The following ADCY2 variants were observed in gnomAD, a reference collection of about 807,000 sequenced individuals.
The protein encoded by ADCY2 is adenylate cyclase type 2.
A neutral mutation model predicts 125.2 loss-of-function variants in ADCY2; 31 were observed. The observed-to-expected ratio is 0.25, with a 90% confidence interval of 0.19 to 0.33. The LOEUF (loss-of-function observed/expected upper bound fraction) is 0.33. ADCY2 is among the 10% of genes least tolerant of loss of function. The probability of loss-of-function intolerance (pLI) is 1.00; values close to 1 mark genes in which losing one functional copy is unlikely to be tolerated. For missense variants in ADCY2, 904 were observed against 1,418.2 expected, an observed-to-expected ratio of 0.64 and a Z score of 5.82; for synonymous variants, 512 against 548.4, an observed-to-expected ratio of 0.93 and a Z score of 0.93.
At chr5:7,546,475 G>A (rs1735151401) in intron 3 of ADCY2, among the ~76,000 whole-genome samples, 1 of 152,158 alleles carries the variant, frequency 6.6e-6, no homozygotes, top group Non-Finnish European at 1.5e-5. Context: ...CTGGCCCAGG[G>A]CACACAGTGT....
intron 3 of ADCY2, among the ~76,000 whole-genome samples, chr5:7,552,442 C>A (rs1368869290): frequency 2.0e-5 from 3 of 152,034 alleles, no homozygotes; most frequent in Non-Finnish European, 4.4e-5. Context: ...AATCTTTTTT[C>A]TTTCTTTTGC....
chr5:7,658,884 G>T (rs1033993600), intron 4 of ADCY2, among the ~76,000 whole-genome samples: 2 of 151,634 alleles, frequency 1.3e-5, no homozygotes, highest in Non-Finnish European at 2.9e-5. Context: ...CTTTTTTTTC[G>T]AAGGCCTTGA....
intron 4 of ADCY2, among the ~76,000 whole-genome samples, chr5:7,686,055 A>G (rs1212893789): frequency 3.9e-5 from 6 of 152,340 alleles, no homozygotes; most frequent in East Asian, 1.9e-4. Context: ...TTAAAGATTC[A>G]TATGAAAGGA....
At chr5:7,437,808 T>G (rs1740863532) in intron 2 of ADCY2, among the ~76,000 whole-genome samples, 1 of 152,250 alleles carries the variant, frequency 6.6e-6, no homozygotes, top group Admixed American at 6.5e-5. Flanking sequence ...TTGTGCAAAA[T>G]TTATGTGCTG....
chr5:7,414,752 C>T lies in ADCY2; in HGVS notation c.390C>T (p.Thr130=), dbSNP rs149121326. The change falls in exon 2 of 25, where the codon ACC becomes ACT. Residue 130 remains threonine, a synonymous_variant. Coordinates refer to ENST00000338316, the MANE Select transcript of ADCY2 (RefSeq NM_020546.3). ...ACCTGTTCATGTGTTTTGGAGGCAC[C>T]GTCTCTCCCTGGGACCAGGTAAGGT... The part of the protein sequence containing the change: ...MGYLFMCFGG[T]VSPWDQVSFF... 7 of 1,610,282 alleles carry T rather than the reference C, an allele frequency of 4.3e-6. No homozygotes were observed. The highest frequency in any genetic ancestry group is 4.0e-5 in the African/African-American group (3 of 74,902).
At chr5:7,490,756 G>T (rs939081613) in intron 2 of ADCY2, among the ~76,000 whole-genome samples, 7 of 151,980 alleles carry the variant, frequency 4.6e-5, no homozygotes, top group African/African-American at 1.5e-4. Context: ...AAATCTACTT[G>T]GTTTAAGGTA....
intron 2 of ADCY2, among the ~76,000 whole-genome samples, chr5:7,493,850 A>G (rs999764611): frequency 1.3e-5 from 2 of 152,158 alleles, no homozygotes; most frequent in Non-Finnish European, 2.9e-5. Context: ...GCCTAGGGGA[A>G]GGCAGGTTGA....
intron 2 of ADCY2, among the ~76,000 whole-genome samples, chr5:7,441,968 A>G (rs1741032554): frequency 6.6e-6 from 1 of 152,192 alleles, no homozygotes; most frequent in Non-Finnish European, 1.5e-5. Flanking sequence ...ACAATTACAT[A>G]AGTGAATCCC....
intron 4 of ADCY2, among the ~76,000 whole-genome samples, chr5:7,663,299 A>G (rs1345206611): frequency 1.3e-5 from 2 of 152,234 alleles, no homozygotes; most frequent in African/African-American, 4.8e-5. Context: ...ATAAAGCATA[A>G]ATGGCCCAGT....
At chr5:7,759,832 G>C (rs937357669) in intron 16 of ADCY2, among the ~76,000 whole-genome samples, 2 of 147,464 alleles carry the variant, frequency 1.4e-5, no homozygotes, top group South Asian at 2.1e-4. Context: ...GTGGAGACCT[G>C]CTCCATTCAT....
chr5:7,784,282 A>G (rs1317488793), intron 18 of ADCY2, 83 bp from the exon 19 acceptor site: 6 of 980,106 alleles, frequency 6.1e-6, no homozygotes, highest in African/African-American at 1.6e-5. Context: ...AGAATCTGAT[A>G]TTTGTTGATA....
At chr5:7,461,542 T>C (rs936896587) in intron 2 of ADCY2, among the ~76,000 whole-genome samples, 1 of 152,254 alleles carries the variant, frequency 6.6e-6, no homozygotes, top group African/African-American at 2.4e-5. Flanking sequence ...ATAATTCTGT[T>C]TCCACATATG....
intron 19 of ADCY2, among the ~76,000 whole-genome samples, chr5:7,787,514 T>C (rs932911535): frequency 3.9e-5 from 6 of 152,336 alleles, no homozygotes; most frequent in Non-Finnish European, 7.3e-5. Context: ...ATTCAATGCA[T>C]TCCATTTGAT....
In ADCY2 at chr5:7,789,811, G is replaced by A. The variant is rs184766688; in HGVS notation, c.2628+11G>A. ...AGCCTGAAGAATGAGGTCAGACCAGGGGGGCTGGGGGCTGGGGGAGGGGGC... is the reference window on the plus strand; with the variant it reads ...AGCCTGAAGAATGAGGTCAGACCAGAGGGGCTGGGGGCTGGGGGAGGGGGC... On this transcript the variant is annotated intron_variant, in intron 20 of 24. Transcript: ENST00000338316. 1.3e-6 allele frequency: 2 copies of A among 1,487,416 alleles called. No individual in the cohort carries two copies. The highest frequency in any genetic ancestry group is 1.8e-6 in the Non-Finnish European group (2 of 1,116,486). The allele number at this position is 1,487,416 out of a possible 1,614,324, so 92.1% of individuals were successfully genotyped here.
chr5:7,777,114 A>G (rs1177869110), intron 18 of ADCY2, among the ~76,000 whole-genome samples: 2 of 152,142 alleles, frequency 1.3e-5, no homozygotes, highest in Admixed American at 6.5e-5. Flanking sequence ...CAACTAATAC[A>G]TAGACCTCCC....
At chr5:7,728,939 G>A (rs1007351030) in intron 14 of ADCY2, among the ~76,000 whole-genome samples, 2 of 152,266 alleles carry the variant, frequency 1.3e-5, no homozygotes, top group Admixed American at 6.5e-5. Flanking sequence ...ACACATCCTC[G>A]TCATGTCTTT....
At position 7,507,248 on chromosome 5, in the gene ADCY2, C is replaced by T. The variant is rs868744309; in HGVS notation, c.409-13490C>T. 7.5e-3 allele frequency among the ~76,000 whole-genome samples: 1,079 copies of T among 144,812 alleles called. 15 individuals carry two copies. The highest frequency in any genetic ancestry group is 0.025 in the African/African-American group (1,001 of 39,328). ...CGAGGTCAGGAGATCGAGACCATCC[C>T]GGCTAAAACGGTGAAACCCCGTCTC... On this transcript the variant is annotated intron_variant, in intron 2 of 24. Coordinates refer to ENST00000338316, the MANE Select transcript of ADCY2 (RefSeq NM_020546.3).
chr5:7,665,544 C>G (rs971027037), intron 4 of ADCY2, among the ~76,000 whole-genome samples: 1 of 152,158 alleles, frequency 6.6e-6, no homozygotes, highest in Non-Finnish European at 1.5e-5. Flanking sequence ...AGGTCAGTTA[C>G]CTTCATCATC....
In ADCY2 at chr5:7,690,857, C is replaced by T. The variant is rs1183748668; in HGVS notation, c.869+18C>T. The T allele has an allele frequency of 6.5e-7, 1 of 1,529,538 alleles. No individual in the cohort carries two copies. Among genetic ancestry groups the T allele is most frequent in the African/African-American group, 1.4e-5 (1 of 71,564 alleles). 94.7% of individuals were successfully genotyped at this position (1,529,538 alleles called of 1,614,324 possible). ...AACGTGAGGTACGACGCTATGCTTG[C>T]TCCTTGGCTGGTCTGGGAGTCTGCC... On this transcript the variant is annotated intron_variant, in intron 5 of 24. Transcript: ENST00000338316.
Sources: allele counts gnomAD v4.1 joint callset (sites outside exome capture counted in the v4.1 genomes callset), GRCh38; gene constraint gnomAD v4.1.1; transcripts MANE v1.5; gene names NCBI Gene and HGNC (gene_info 2026-07-23, HGNC 2026-07-21).